PHKG2: variants seen among roughly 807,000 people sequenced by gnomAD.
The protein encoded by PHKG2 is phosphorylase b kinase gamma catalytic chain, liver/testis isoform.
PHKG2 carries 28 observed loss-of-function variants against 44.5 expected under a neutral mutation model. The ratio of observed to expected loss-of-function variants is 0.63; its 90% CI spans 0.47 to 0.86. PHKG2 has a LOEUF of 0.86. PHKG2 is among the 40% of genes least tolerant of loss of function. The pLI, the probability that PHKG2 is intolerant of heterozygous loss-of-function variation, is 0.00. For synonymous variants in PHKG2, 220 were observed against 211.2 expected, an observed-to-expected ratio of 1.04 and a Z score of -0.36; for missense variants, 498 against 547.5, an observed-to-expected ratio of 0.91 and a Z score of 0.90.
chr16:30,756,576 T>C lies in PHKG2; in HGVS notation c.802-14T>C. ...GGCCCAAGAGCTGCCCCTCATGCTC[T>C]GGGTCTCTCCTAGATCTCCAGGCTG... On this transcript the variant is annotated splice_polypyrimidine_tract_variant and intron_variant, in intron 8 of 9. Coordinates refer to ENST00000563588, the MANE Select transcript of PHKG2 (RefSeq NM_000294.3). 1.2e-6 allele frequency: 2 copies of C among 1,613,618 alleles called. No homozygotes were observed. Among genetic ancestry groups the C allele is most frequent in the Non-Finnish European group, 1.7e-6 (2 of 1,180,014 alleles).
chr16:30,757,452 C>T lies in PHKG2; in HGVS notation c.*355C>T, dbSNP rs1328211590. The stretch of plus-strand genomic sequence containing the variant: ...GGGATGGTGCCATTCTGGCCCAGAC[C>T]TTTATTGGGGAAAATGTTGGGGGTC... On this transcript the variant is annotated 3_prime_UTR_variant, in exon 10 of 10. Transcript: ENST00000563588. 10 of 1,605,746 alleles carry T rather than the reference C, an allele frequency of 6.2e-6. No individual in the cohort carries two copies. The highest frequency in any genetic ancestry group is 8.5e-6 in the Non-Finnish European group (10 of 1,174,848).
chr16:30,749,148 G>C (rs1209172650), intron 2 of PHKG2, among the ~76,000 whole-genome samples: 33 of 131,326 alleles, frequency 2.5e-4, no homozygotes, highest in South Asian at 5.5e-4. Context: ...GCTGGTGCTG[G>C]TGGTGGTGCT....
At position 30,756,852 on chromosome 16, in the gene PHKG2, C is replaced by T. The variant is rs757148929; in HGVS notation, c.976C>T (p.His326Tyr). The T allele has an allele frequency of 6.2e-7, 1 of 1,614,154 alleles. No homozygotes were observed. The highest frequency in any genetic ancestry group is 1.1e-5 in the South Asian group (1 of 91,082). The change falls in exon 10 of 10, where the codon CAT (histidine) becomes TAT (tyrosine). Residue 326 changes from histidine (H) to tyrosine (Y), a missense_variant. Transcript: ENST00000563588. ...TGCTGGACGAGTGGCCCTAAGCACCCATCGTGTACGGCCACTGACCAAGAA... is the reference window on the plus strand; with the variant it reads ...TGCTGGACGAGTGGCCCTAAGCACCTATCGTGTACGGCCACTGACCAAGAA... Reference protein sequence around the residue: ...LAAGRVALSTHRVRPLTKNAL... With the variant: ...LAAGRVALSTYRVRPLTKNAL...
At position 30,759,499 on chromosome 16, in the gene PHKG2, G is replaced by A. The variant is rs370346934; in HGVS notation, c.*2402G>A. 8.7e-6 allele frequency: 14 copies of A among 1,614,056 alleles called. No homozygotes were observed. In the Admixed American group the frequency reaches 1.8e-4, roughly 21 times the overall value. ...GGAATTAGAACCCTGACTACCTTCC[G>A]GAGCCCTGGCTTTGCCTCCAAAAGC... On this transcript the variant is annotated 3_prime_UTR_variant, in exon 10 of 10. Transcript: ENST00000563588.
Position 30,751,060 on chromosome 16 carries a change from T to C in PHKG2, c.96-46T>C, listed in dbSNP as rs777216498. ...GCTGAGGCCCCAGCCTGTGCGGAAA[T>C]GTGAGCACAGAGGCCCTGACTTGTG... On this transcript the variant is annotated intron_variant, in intron 2 of 9. Coordinates refer to ENST00000563588, the MANE Select transcript of PHKG2 (RefSeq NM_000294.3). 3.1e-6 allele frequency: 5 copies of C among 1,597,436 alleles called. 1 individual carries two copies. Among genetic ancestry groups the C allele is most frequent in the Middle Eastern group, 1.7e-4 (1 of 6,052 alleles).
intron 6 of PHKG2, among the ~76,000 whole-genome samples, chr16:30,754,289 C>G (rs775646426): frequency 6.6e-6 from 1 of 152,046 alleles, no homozygotes; most frequent in Non-Finnish European, 1.5e-5. Context: ...CCTCAGCCTC[C>G]CAAGTAGTTG....
At chr16:30,751,713 A>G in intron 4 of PHKG2, 110 bp downstream of exon 4, 1 of 945,588 alleles carries the variant, frequency 1.1e-6, no homozygotes, top group Non-Finnish European at 1.8e-6. Flanking sequence ...TTCCTGTTCC[A>G]GCTGGGGCTC....
In PHKG2 at chr16:30,757,062, A is replaced by G. The variant is rs759599736; in HGVS notation, c.1186A>G (p.Ile396Val). ...TGAAGAGGAGGGAGACTCTGCTGCTATAACTGAGGATGAGGCCGTGCTTGT... is the reference window on the plus strand; with the variant it reads ...TGAAGAGGAGGGAGACTCTGCTGCTGTAACTGAGGATGAGGCCGTGCTTGT... ...GPEEEGDSAA[I>V]TEDEAVLVLG Residue 396 changes from isoleucine to valine, a missense_variant, in exon 10 of 10, where the codon ATA (isoleucine) becomes GTA (valine). Coordinates refer to ENST00000563588, the MANE Select transcript of PHKG2 (RefSeq NM_000294.3). The G allele has an allele frequency of 1.1e-5, 18 of 1,613,308 alleles. No homozygotes were observed. The highest frequency in any genetic ancestry group is 9.9e-5 in the South Asian group (9 of 91,088).
Position 30,756,655 on chromosome 16 carries a change from C to T in PHKG2, c.867C>T (p.Pro289=), listed in dbSNP as rs773992574. The part of the protein sequence containing the change: ...RLTAEQALQH[P]FFERCEGSQP... ...CAGCTGAGCAGGCCCTACAGCACCCCTTCTTTGAGCGTTGTGAAGGCAGCC... is the reference window on the plus strand; with the variant it reads ...CAGCTGAGCAGGCCCTACAGCACCCTTTCTTTGAGCGTTGTGAAGGCAGCC... The change falls in exon 9 of 10, where the codon CCC becomes CCT. Residue 289 remains proline, a synonymous_variant. Coordinates refer to ENST00000563588, the MANE Select transcript of PHKG2 (RefSeq NM_000294.3). The T allele has an allele frequency of 1.9e-6, 3 of 1,614,092 alleles. No homozygotes were observed. The highest frequency in any genetic ancestry group is 3.3e-5 in the Admixed American group (2 of 60,012).
At position 30,760,712 on chromosome 16, in the gene PHKG2, C is replaced by A. The variant is rs779673765; in HGVS notation, c.*3615C>A. The A allele has an allele frequency of 6.5e-7, 1 of 1,532,554 alleles. No homozygotes were observed. Among genetic ancestry groups the A allele is most frequent in the South Asian group, 1.2e-5 (1 of 83,660 alleles). The allele number at this position is 1,532,554 out of a possible 1,614,324, so 94.9% of individuals were successfully genotyped here. ...AAGAGTATTGGTGGCCGTTACCTAT[C>A]ATGACAAGGCTGTGACAGCTAGTGC... On this transcript the variant is annotated 3_prime_UTR_variant, in exon 10 of 10. Coordinates refer to ENST00000563588, the MANE Select transcript of PHKG2 (RefSeq NM_000294.3).
chr16:30,752,532 A>G (rs995375044), intron 4 of PHKG2: 1 of 153,010 alleles, frequency 6.5e-6, no homozygotes, highest in African/African-American at 2.4e-5. Flanking sequence ...CAGAATCTGA[A>G]TGTCCGATGC....
In PHKG2 at chr16:30,756,638, C is replaced by G. The variant is rs1395363276; in HGVS notation, c.850C>G (p.Gln284Glu). 3 of 1,613,958 alleles carry G rather than the reference C, an allele frequency of 1.9e-6. No homozygotes were observed. Among genetic ancestry groups the G allele is most frequent in the East Asian group, 4.5e-5 (2 of 44,888 alleles). ...VDPEARLTAE[Q>E]ALQHPFFERC... is the part of the protein sequence containing the mutation. ...TCCTGAGGCACGCCTGACAGCTGAG[C>G]AGGCCCTACAGCACCCCTTCTTTGA... The change falls in exon 9 of 10, where the codon CAG becomes GAG. Residue 284 changes from glutamine (Q) to glutamate (E), a missense_variant. Transcript: ENST00000563588.
At chr16:30,755,797 G>GT (rs1462107497) in intron 6 of PHKG2, among the ~76,000 whole-genome samples, 3 of 151,954 alleles carry the variant, frequency 2.0e-5, no homozygotes, top group Non-Finnish European at 4.4e-5. Flanking sequence ...TTTTTTTTGC[G>GT]TATGTATTAT....
chr16:30,757,511 G>A lies in PHKG2; in HGVS notation c.*414G>A. On this transcript the variant is annotated 3_prime_UTR_variant, in exon 10 of 10. Transcript: ENST00000563588. Reference sequence around the variant, plus strand: ...TTGCTCTTGCCTTTACCCGGAGGTAGCTGGAAGGGCCGCTCTAGTGCAGTC... The same window carrying A: ...TTGCTCTTGCCTTTACCCGGAGGTAACTGGAAGGGCCGCTCTAGTGCAGTC... 1.2e-6 allele frequency: 2 copies of A among 1,614,156 alleles called. No individual in the cohort carries two copies. Among genetic ancestry groups the A allele is most frequent in the Non-Finnish European group, 1.7e-6 (2 of 1,179,994 alleles).
chr16:30,754,170 C>CTT (rs200524054), intron 6 of PHKG2, among the ~76,000 whole-genome samples: 11 of 141,218 alleles, frequency 7.8e-5, no homozygotes, highest in African/African-American at 1.3e-4. Flanking sequence ...TTTCTTTTTT[C>CTT]TTTTTTTTTT....
rs1201225850 is a variant in PHKG2 at position 30,760,153 on chromosome 16, G to A, written c.*3056G>A. The A allele has an allele frequency of 2.5e-6, 4 of 1,580,106 alleles. No individual in the cohort carries two copies. The highest frequency in any genetic ancestry group is 1.4e-5 in the African/African-American group (1 of 74,036). On this transcript the variant is annotated 3_prime_UTR_variant, in exon 10 of 10. Coordinates refer to ENST00000563588, the MANE Select transcript of PHKG2 (RefSeq NM_000294.3). ...CAGTGGATTGGAAAGCTGATGGCTT[G>A]TGTATGATGATGCTACTAATAATGA...
chr16:30,749,378 C>G (rs1017440061), intron 2 of PHKG2, among the ~76,000 whole-genome samples: 1 of 152,154 alleles, frequency 6.6e-6, no homozygotes, highest in Non-Finnish European at 1.5e-5. Context: ...GACGGAGTCT[C>G]GCTCTGTCGC....
chr16:30,758,903 G>C lies in PHKG2; in HGVS notation c.*1806G>C. On this transcript the variant is annotated 3_prime_UTR_variant, in exon 10 of 10. Coordinates refer to ENST00000563588, the MANE Select transcript of PHKG2 (RefSeq NM_000294.3). Reference sequence around the variant, plus strand: ...ACTTCTGCATAAGGGATCATTTAGAGAAAGGACTCTGACTAAAAACAAAAA... The same window carrying C: ...ACTTCTGCATAAGGGATCATTTAGACAAAGGACTCTGACTAAAAACAAAAA... 1 of 1,517,558 alleles carries C rather than the reference G, an allele frequency of 6.6e-7. No homozygotes were observed. Among genetic ancestry groups the C allele is most frequent in the Middle Eastern group, 2.3e-4 (1 of 4,282 alleles). 94.0% of individuals were successfully genotyped at this position (1,517,558 alleles called of 1,614,324 possible). A position where few individuals can be genotyped will look rare whatever the true frequency, so the allele number is the denominator to read the frequency against.
intron 4 of PHKG2, chr16:30,752,750 C>T: frequency 3.9e-6 from 1 of 256,552 alleles, no homozygotes; most frequent in Non-Finnish European, 7.6e-6. Flanking sequence ...AAAACAGCAC[C>T]TGATAATGTT....
Sources: gnomAD v4.1 joint callset for allele counts (sites outside exome capture counted in the v4.1 genomes callset) on GRCh38, gnomAD v4.1.1 for gene constraint, MANE v1.5 for transcripts, NCBI Gene and HGNC (gene_info 2026-07-23, HGNC 2026-07-21) for gene names.